COG4: variants seen among roughly 807,000 people sequenced by gnomAD.
COG4 encodes conserved oligomeric Golgi complex subunit 4.
In COG4, 65 loss-of-function variants were observed where a neutral mutation model predicts 95.1. That is an observed-to-expected ratio of 0.68 (90% CI 0.56 to 0.84). The LOEUF (loss-of-function observed/expected upper bound fraction) is 0.84. Among genes scored for constraint, COG4 ranks in the 40% least tolerant of loss-of-function variants. COG4 has a pLI of 0.00. For missense variants in COG4, 1,045 were observed against 989.1 expected, an observed-to-expected ratio of 1.06 and a Z score of -0.76; for synonymous variants, 421 against 374.8, an observed-to-expected ratio of 1.12 and a Z score of -1.42.
intron 10 of COG4, 24 bp from the exon 11 acceptor site, chr16:70,497,411 C>T (rs754086753): frequency 1.2e-6 from 2 of 1,609,698 alleles, no homozygotes; most frequent in South Asian, 1.1e-5. Flanking sequence ...AAAGCCAACA[C>T]TGAGGGTCCC....
chr16:70,501,786 G>A (rs1359640005), intron 8 of COG4, among the ~76,000 whole-genome samples: 2 of 151,898 alleles, frequency 1.3e-5, no homozygotes, highest in Non-Finnish European at 2.9e-5. Context: ...TGAGTAGCTG[G>A]GATTACAGGA....
At chr16:70,492,659 C>G (rs1025556048) in intron 12 of COG4, among the ~76,000 whole-genome samples, 1 of 143,846 alleles carries the variant, frequency 7.0e-6, no homozygotes, top group African/African-American at 2.6e-5. Flanking sequence ...AAAACTCCGT[C>G]TCAAAAAAAA....
Position 70,519,567 on chromosome 16 carries a change from A to G in COG4, c.254+82T>C, listed in dbSNP as rs547590189. ...ATTTCAAGCTGAACTGGTGTTTATA[A>G]CAGAAAGTTTAAAAAATGGTCACTT... On this transcript the variant is annotated intron_variant, in intron 2 of 18. Coordinates refer to ENST00000323786, the MANE Select transcript of COG4 (RefSeq NM_015386.3). 7.1e-6 allele frequency: 7 copies of G among 981,748 alleles called. No individual in the cohort carries two copies. The Admixed American group carries it at 9.2e-5, about 13-fold the overall frequency. 60.8% of individuals were successfully genotyped at this position (981,748 alleles called of 1,614,324 possible).
intron 4 of COG4, among the ~76,000 whole-genome samples, chr16:70,513,062 A>C (rs113533186): frequency 6.6e-6 from 1 of 152,374 alleles, no homozygotes; most frequent in South Asian, 2.1e-4. Flanking sequence ...CCACCTCTCA[A>C]AGATGGGCAG....
intron 12 of COG4, among the ~76,000 whole-genome samples, chr16:70,495,712 C>T (rs1253748742): frequency 1.3e-5 from 2 of 152,222 alleles, no homozygotes; most frequent in Non-Finnish European, 2.9e-5. Context: ...CAAATCCTTT[C>T]ATCCTTCTGT....
intron 8 of COG4, among the ~76,000 whole-genome samples, chr16:70,504,637 G>T (rs971969132): frequency 1.5e-5 from 2 of 132,314 alleles, no homozygotes; most frequent in East Asian, 1.9e-4. Context: ...AAGAGGCCGG[G>T]CATGGTGGCT....
At chr16:70,482,439 A>T in intron 15 of COG4, 1 of 611,808 alleles carries the variant, frequency 1.6e-6, no homozygotes, top group Non-Finnish European at 2.9e-6. Context: ...TACAGGAATG[A>T]AATCACTACG....
Position 70,501,092 on chromosome 16 carries a change from C to CT in COG4, c.1062-2dup. On this transcript the variant is annotated splice_acceptor_variant, in intron 8 of 18. Coordinates refer to ENST00000323786, the MANE Select transcript of COG4 (RefSeq NM_015386.3). LOFTEE classifies it high-confidence loss of function. The stretch of plus-strand genomic sequence containing the variant: ...CTCAGTCAGGATGGGGTCCAGTTCT[C>CT]TGAGACACATGGAGCAGAAGGAATA... The CT allele has an allele frequency of 6.2e-7, 1 of 1,613,170 alleles. No homozygotes were observed. The highest frequency in any genetic ancestry group is 8.5e-7 in the Non-Finnish European group (1 of 1,180,012).
intron 14 of COG4, among the ~76,000 whole-genome samples, chr16:70,483,038 C>A (rs1307379573): frequency 1.1e-5 from 1 of 88,922 alleles, no homozygotes; most frequent in Admixed American, 1.1e-4. Flanking sequence ...CCACCCCTTC[C>A]CTCTCCTCTC....
intron 7 of COG4, chr16:70,508,822 GT>G (rs767924329): frequency 3.7e-6 from 2 of 545,374 alleles, no homozygotes; most frequent in South Asian, 3.1e-5. Flanking sequence ...AAAAAACAAA[GT>G]TCTGAAAAAG....
intron 8 of COG4, among the ~76,000 whole-genome samples, chr16:70,504,736 C>T (rs530220677): frequency 6.6e-6 from 1 of 151,578 alleles, no homozygotes; most frequent in East Asian, 1.9e-4. Context: ...ATGGTGAAAC[C>T]CCATCTCTAC....
At chr16:70,489,686 T>G (rs1448057602) in intron 13 of COG4, among the ~76,000 whole-genome samples, 1 of 151,992 alleles carries the variant, frequency 6.6e-6, no homozygotes, top group African/African-American at 2.4e-5. Flanking sequence ...TCCTGTTTTT[T>G]CATTAGGCTA....
At chr16:70,514,194 A>G in intron 4 of COG4, 141 bp downstream of exon 4, 1 of 853,666 alleles carries the variant, frequency 1.2e-6, no homozygotes, top group South Asian at 1.6e-5. Context: ...TGACAAGAGC[A>G]AGACTCCGTC....
At chr16:70,489,184 G>C (rs1414036196) in intron 13 of COG4, among the ~76,000 whole-genome samples, 2 of 151,952 alleles carry the variant, frequency 1.3e-5, no homozygotes, top group East Asian at 3.9e-4. Context: ...CATTTATACA[G>C]GGATTTGTCA....
At chr16:70,481,616 G>A (rs184792039) in intron 17 of COG4, 129 bp from the exon 18 acceptor site, 9 of 1,453,924 alleles carry the variant, frequency 6.2e-6, no homozygotes, top group East Asian at 2.3e-5. Flanking sequence ...TTTGCTCTAC[G>A]GCTTCAGAAG....
chr16:70,492,332 C>A (rs2049260975), intron 12 of COG4, among the ~76,000 whole-genome samples: 1 of 152,128 alleles, frequency 6.6e-6, no homozygotes, highest in Admixed American at 6.6e-5. Flanking sequence ...ACACGACTGT[C>A]TTACAGACTA....
In COG4 at chr16:70,509,237, G is replaced by C. The variant is rs760463627; in HGVS notation, c.996C>G (p.His332Gln). ...TGTAGCTTCCCCTGCTCACCTGCTGGTGGTAGTCCCTTTGCTTGATGAACT... is the reference window on the plus strand; with the variant it reads ...TGTAGCTTCCCCTGCTCACCTGCTGCTGGTAGTCCCTTTGCTTGATGAACT... ...VDKFIKQRDYHQQFRHVQNNL... is the reference protein window; with the variant it reads ...VDKFIKQRDYQQQFRHVQNNL... Residue 332 changes from histidine to glutamine, a missense_variant, in exon 7 of 19, where the codon CAC (histidine) becomes CAG (glutamine). Physicochemically the swap from His to Gln is conservative, Grantham distance 24. Coordinates refer to ENST00000323786, the MANE Select transcript of COG4 (RefSeq NM_015386.3). The C allele has an allele frequency of 6.2e-7, 1 of 1,614,074 alleles. No homozygotes were observed. The highest frequency in any genetic ancestry group is 8.5e-7 in the Non-Finnish European group (1 of 1,180,036).
rs16970260 is a variant in COG4, at chr16:70,523,355, A to G, written c.171+18T>C. The G allele has an allele frequency of 0.023, 37,838 of 1,613,778 alleles. 6,804 individuals are homozygous for G. The African/African-American group carries it at 0.42, about 18-fold the overall frequency. ...CTCCCTAGATCCTCCATGAAAAAGA[A>G]GAGGCTCGACCCCGCACCTCCTCGC... On this transcript the variant is annotated intron_variant, in intron 1 of 18. Transcript: ENST00000323786.
At chr16:70,487,703 G>T (rs1165441492) in intron 13 of COG4, among the ~76,000 whole-genome samples, 2 of 152,224 alleles carry the variant, frequency 1.3e-5, no homozygotes, top group Non-Finnish European at 2.9e-5. Context: ...CTTTCCCAGA[G>T]GCTGAGTTTG....
Sources: allele counts gnomAD v4.1 joint callset (sites outside exome capture counted in the v4.1 genomes callset), GRCh38; gene constraint gnomAD v4.1.1; transcripts MANE v1.5; gene names NCBI Gene and HGNC (gene_info 2026-07-23, HGNC 2026-07-21).